L3MBTL4: variants seen among roughly 807,000 people sequenced by gnomAD.
The protein encoded by L3MBTL4 is lethal(3)malignant brain tumor-like protein 4.
Under a neutral mutation model 84.5 loss-of-function variants are expected in L3MBTL4, and 70 were observed. The observed-to-expected ratio is 0.83, with a 90% CI of 0.68 to 1.01. The LOEUF (loss-of-function observed/expected upper bound fraction) is 1.01, where lower values mean the gene tolerates loss of function less well. Ranked by LOEUF, L3MBTL4 falls within the 50% of genes least tolerant of loss-of-function variation. The pLI, the probability that L3MBTL4 is intolerant of heterozygous loss-of-function variation, is 0.00. For synonymous variants in L3MBTL4, 274 were observed against 259.8 expected (o/e 1.05, Z -0.52); for missense variants, 715 against 754.8 (o/e 0.95, Z 0.62).
intron 12 of L3MBTL4, among the ~76,000 whole-genome samples, chr18:6,204,148 C>A (rs2045768978): frequency 6.6e-6 from 1 of 152,246 alleles, no homozygotes; most frequent in Non-Finnish European, 1.5e-5. Context: ...AGGATCTACA[C>A]ACCTCCTTTT....
Position 6,005,417 on chromosome 18 carries a change from G to A in L3MBTL4, c.1445-35855C>T, listed in dbSNP as rs1015084784. ...AAATTGCATGTCATGAGGGTTTGGG[G>A]TACAGATTATTTCACCACCCAGATA... is the stretch of plus-strand genomic sequence containing the variant. On this transcript the variant is annotated intron_variant, in intron 16 of 18. Coordinates refer to ENST00000317931, the MANE Select transcript of L3MBTL4 (RefSeq NM_001330559.2). Among the ~76,000 whole-genome samples the A allele has an allele frequency of 2.6e-5, 4 of 151,970 alleles. No individual in the cohort carries two copies. The East Asian group carries it at 5.8e-4, about 22-fold the overall frequency.
At chr18:6,361,848 G>C (rs1470061699) in intron 1 of L3MBTL4, among the ~76,000 whole-genome samples, 3 of 152,092 alleles carry the variant, frequency 2.0e-5, no homozygotes, top group Non-Finnish European at 4.4e-5. Context: ...AGTTGTGGCT[G>C]GGCGTGGTTG....
At chr18:6,374,313 A>G (rs1897080622) in intron 1 of L3MBTL4, 1 of 154,276 alleles carries the variant, frequency 6.5e-6, no homozygotes, top group Admixed American at 6.5e-5. Flanking sequence ...CACGAGGATT[A>G]CATGGGTTAA....
At chr18:6,302,722 C>T (rs148879286) in intron 3 of L3MBTL4, among the ~76,000 whole-genome samples, 15 of 152,332 alleles carry the variant, frequency 9.8e-5, no homozygotes, top group African/African-American at 3.6e-4. Flanking sequence ...CAGTGGCTCA[C>T]ACCTGTAATC....
intron 8 of L3MBTL4, 130 bp from the exon 9 acceptor site, chr18:6,240,002 A>G: frequency 6.1e-6 from 5 of 819,114 alleles, no homozygotes; most frequent in Non-Finnish European, 7.5e-6. Flanking sequence ...CTCTGGACAA[A>G]GCCATCAAAT....
chr18:6,289,136 G>C (rs2049729799), intron 4 of L3MBTL4, among the ~76,000 whole-genome samples: 1 of 152,106 alleles, frequency 6.6e-6, no homozygotes, highest in South Asian at 2.1e-4. Context: ...GACTGAGACT[G>C]AGGATTGGGG....
Position 6,247,466 on chromosome 18 carries a change from A to ATTTTTTTTTT in L3MBTL4, c.220-2888_220-2879dup, listed in dbSNP as rs71163266. ...AGAATGCAGACTTCCCCCTCCTCTG[A>ATTTTTTTTTT]TTTTTTTTTTTTTTTTTTTTTTTTT... On this transcript the variant is annotated intron_variant, in intron 5 of 18. Coordinates refer to ENST00000317931, the MANE Select transcript of L3MBTL4 (RefSeq NM_001330559.2). Among the ~76,000 whole-genome samples, 7 of 49,642 alleles carry ATTTTTTTTTT rather than the reference A, an allele frequency of 1.4e-4. 2 individuals carry two copies. Among genetic ancestry groups the ATTTTTTTTTT allele is most frequent in the African/African-American group, 6.2e-4 (6 of 9,676 alleles). 32.6% of individuals were successfully genotyped at this position (49,642 alleles called of 152,430 possible).
chr18:6,243,183 G>A (rs2047521565), intron 7 of L3MBTL4, 111 bp downstream of exon 7: 1 of 937,418 alleles, frequency 1.1e-6, no homozygotes, highest in Non-Finnish European at 1.5e-6. Flanking sequence ...ATTTCATTTT[G>A]GAAATCAATC....
At chr18:6,139,494 T>G (rs1246684047) in intron 13 of L3MBTL4, among the ~76,000 whole-genome samples, 1 of 151,268 alleles carries the variant, frequency 6.6e-6, no homozygotes, top group African/African-American at 2.4e-5. Context: ...TAAACACACA[T>G]GCACACACAC....
intron 15 of L3MBTL4, among the ~76,000 whole-genome samples, chr18:6,086,393 C>T (rs762791262): frequency 2.0e-5 from 3 of 152,170 alleles, no homozygotes; most frequent in African/African-American, 4.8e-5. Context: ...TTTTAAAATT[C>T]TTTACGAGAA....
chr18:6,154,761 C>T (rs766532721), intron 13 of L3MBTL4, among the ~76,000 whole-genome samples: 4 of 152,092 alleles, frequency 2.6e-5, no homozygotes, highest in Non-Finnish European at 5.9e-5. Context: ...TTGCATTACT[C>T]GCTGAATTTA....
Position 6,215,829 on chromosome 18 carries a change from G to T in L3MBTL4, c.791C>A (p.Pro264His). 6.4e-7 allele frequency: 1 copy of T among 1,572,410 alleles called. No homozygotes were observed. The highest frequency in any genetic ancestry group is 8.7e-7 in the Non-Finnish European group (1 of 1,148,734). ...TGTCCAGGAAAAATTTTCTGGATTG[G>T]GATAACCTGAAAATATATATATATA... ...GRTLIAPQGY[P>H]NPENFSWTEY... Residue 264 changes from proline to histidine, a missense_variant, in exon 11 of 19, where the codon CCC (proline) becomes CAC (histidine). Physicochemically the swap from Pro to His is moderately conservative, Grantham distance 77. Coordinates refer to ENST00000317931, the MANE Select transcript of L3MBTL4 (RefSeq NM_001330559.2).
chr18:6,239,698 AACAC>A lies in L3MBTL4; in HGVS notation c.707+16_707+19del, dbSNP rs766799020. 1.9e-6 allele frequency: 3 copies of A among 1,608,314 alleles called. No individual in the cohort carries two copies. In the African/African-American group the frequency reaches 4.0e-5, roughly 21 times the overall value. ...CAAACATATGAATACACAAAAATAA[AACAC>A]ACATTCATATCTCACCAGTAATCGT... is the stretch of plus-strand genomic sequence containing the variant. On this transcript the variant is annotated intron_variant, in intron 9 of 18. Transcript: ENST00000317931.
At chr18:6,153,361 C>A (rs78901885) in intron 13 of L3MBTL4, among the ~76,000 whole-genome samples, 364 of 152,192 alleles carry the variant, frequency 2.4e-3, no homozygotes, top group African/African-American at 8.4e-3. Flanking sequence ...GGGATATCTT[C>A]CCATTTATTT....
chr18:6,326,244 C>CA (rs533722499), intron 1 of L3MBTL4, among the ~76,000 whole-genome samples: 66 of 151,842 alleles, frequency 4.3e-4, no homozygotes, highest in Non-Finnish European at 8.1e-4. Flanking sequence ...CTCTCTTAAG[C>CA]AAAAAAGGTG....
chr18:6,329,565 A>ATTTAT (rs1394519160), intron 1 of L3MBTL4, among the ~76,000 whole-genome samples: 1 of 152,168 alleles, frequency 6.6e-6, no homozygotes, highest in Non-Finnish European at 1.5e-5. Context: ...AAGAAAAGGA[A>ATTTAT]TTTATTTCTT....
chr18:6,292,405 T>G (rs999468824), intron 4 of L3MBTL4, among the ~76,000 whole-genome samples: 4 of 152,228 alleles, frequency 2.6e-5, no homozygotes, highest in African/African-American at 9.6e-5. Flanking sequence ...AATAGAATAA[T>G]GTTGGCTCAA....
intron 8 of L3MBTL4, among the ~76,000 whole-genome samples, 196 bp from the exon 9 acceptor site, chr18:6,240,068 G>A (rs910250399): frequency 6.6e-6 from 1 of 152,196 alleles, no homozygotes; most frequent in African/African-American, 2.4e-5. Context: ...CAAAGGCCCA[G>A]GAAACTAGCT....
chr18:5,968,927 T>A (rs1460205503), intron 17 of L3MBTL4, among the ~76,000 whole-genome samples: 1 of 152,102 alleles, frequency 6.6e-6, no homozygotes, highest in East Asian at 1.9e-4. Context: ...CTGCCATGAG[T>A]GTGCCTGGAT....
Sources: gnomAD v4.1 joint callset for allele counts (sites outside exome capture counted in the v4.1 genomes callset) on GRCh38, gnomAD v4.1.1 for gene constraint, MANE v1.5 for transcripts, NCBI Gene and HGNC (gene_info 2026-07-23, HGNC 2026-07-21) for gene names.